The following PTX4 variants were observed in gnomAD, a reference collection of about 807,000 sequenced individuals.
The protein encoded by PTX4 is pentraxin 4, also known as pentraxin-4.
In PTX4, 23 loss-of-function variants were observed where a neutral mutation model predicts 19.1. The observed-to-expected ratio is 1.20, with a 90% CI of 0.87 to 1.70. The LOEUF (loss-of-function observed/expected upper bound fraction) is 1.70, where lower values mean the gene tolerates loss of function less well. PTX4 is among the 40% of genes most tolerant of loss of function. The pLI is 0.00. For synonymous variants in PTX4, 317 were observed against 279.6 expected, an observed-to-expected ratio of 1.13 and a Z score of -1.33; for missense variants, 678 against 610.5, an observed-to-expected ratio of 1.11 and a Z score of -1.17.
intron 1 of PTX4, chr16:1,488,361 C>T (rs1449261246): frequency 2.5e-6 from 4 of 1,613,848 alleles, no homozygotes; most frequent in South Asian, 1.1e-5. Context: ...GCCCGACAGG[C>T]CCACAGCACT....
chr16:1,488,746 G>A lies in PTX4; in HGVS notation c.141+23C>T, dbSNP rs891696894. On this transcript the variant is annotated intron_variant, in intron 1 of 2. Transcript: ENST00000447419. ...GCTGCCAATTTAAAAACCCGACTGCGCCATGTCAGGGGTATAACTTGCCTG... is the reference window on the plus strand; with the variant it reads ...GCTGCCAATTTAAAAACCCGACTGCACCATGTCAGGGGTATAACTTGCCTG... 16 of 670,006 alleles carry A rather than the reference G, an allele frequency of 2.4e-5. No individual in the cohort carries two copies. The African/African-American group carries it at 2.7e-4, about 11-fold the overall frequency. 41.5% of individuals were successfully genotyped at this position (670,006 alleles called of 1,614,324 possible). A position where few individuals can be genotyped will look rare whatever the true frequency, so the allele number is the denominator to read the frequency against.
intron 1 of PTX4, chr16:1,488,232 C>G (rs2039267834): frequency 6.7e-7 from 1 of 1,491,402 alleles, no homozygotes. Flanking sequence ...CCACCGCTCA[C>G]CCCATAACCA....
rs752806438 is a variant in PTX4 at position 1,487,815 on chromosome 16, C to T, written c.297G>A (p.Gly99=). 4 of 1,613,162 alleles carry T rather than the reference C, an allele frequency of 2.5e-6. No individual in the cohort carries two copies. The highest frequency in any genetic ancestry group is 4.5e-5 in the East Asian group (2 of 44,880). ...AVNRSQASVQ[G]ELAQLKAWVR... The stretch of plus-strand genomic sequence containing the variant: ...CCCAGGCCTTGAGCTGCGCCAGCTC[C>T]CCCTGCACCGAGGCCTGTGACCGGT... The change falls in exon 2 of 3, where the codon GGG becomes GGA. Residue 99 remains glycine, a synonymous_variant. Transcript: ENST00000447419.
rs755708029 is a variant in PTX4 at position 1,487,889 on chromosome 16, G to T, written c.223C>A (p.Arg75=). 2.1e-5 allele frequency: 34 copies of T among 1,612,676 alleles called. No individual in the cohort carries two copies. In the Admixed American group the frequency reaches 5.7e-4, roughly 27 times the overall value. ...NYNVSYNVDV[R]FRSLAEESQA... ...CTCTCTTCCGCCAGGCTCCGGAACCGGACGTCAACGTTGTAGGACACGTTG... is the reference window on the plus strand; with the variant it reads ...CTCTCTTCCGCCAGGCTCCGGAACCTGACGTCAACGTTGTAGGACACGTTG... The change falls in exon 2 of 3, where the codon CGG becomes AGG. Residue 75 remains arginine, a synonymous_variant. Transcript: ENST00000447419.
chr16:1,487,797 C>T lies in PTX4; in HGVS notation c.315G>A (p.Lys105=). The T allele has an allele frequency of 1.2e-6, 2 of 1,613,020 alleles. No individual in the cohort carries two copies. The highest frequency in any genetic ancestry group is 1.7e-6 in the Non-Finnish European group (2 of 1,179,844). ...GGCGCTGCAGCTTCCTCACCCAGGC[C>T]TTGAGCTGCGCCAGCTCCCCCTGCA... ...ASVQGELAQL[K]AWVRKLQRRG... is the part of the protein sequence containing the mutation. Residue 105 remains lysine, a synonymous_variant, in exon 2 of 3, where the codon AAG becomes AAA. Coordinates refer to ENST00000447419, the MANE Select transcript of PTX4 (RefSeq NM_001328608.2).
At chr16:1,486,691 G>T in intron 2 of PTX4, 112 bp from the exon 3 acceptor site, 1 of 1,141,466 alleles carries the variant, frequency 8.8e-7, no homozygotes, top group African/African-American at 1.6e-5. Context: ...ACCCTTCACG[G>T]AGCACTGACT....
intron 2 of PTX4, among the ~76,000 whole-genome samples, chr16:1,486,791 A>G (rs954907354): frequency 1.3e-5 from 2 of 152,124 alleles, no homozygotes; most frequent in Admixed American, 6.5e-5. Context: ...AAGACTGAAC[A>G]TGAGGGCCGT....
chr16:1,486,189 G>C lies in PTX4; in HGVS notation c.1187C>G (p.Pro396Arg), dbSNP rs1329549247. Residue 396 changes from proline (P) to arginine (R), a missense_variant, in exon 3 of 3, where the codon CCC becomes CGC. Physicochemically the swap from Pro to Arg is moderately radical, Grantham distance 103. Coordinates refer to ENST00000447419, the MANE Select transcript of PTX4 (RefSeq NM_001328608.2). ...GCCCAGCACGAGGGACCCTCCGGGG[G>C]GGATCTCATAGCCCTCCCTGAAGCG... ...GSRFREGYEI[P>R]PGGSLVLGQE... The C allele has an allele frequency of 7.4e-6, 12 of 1,613,694 alleles. No individual in the cohort carries two copies. In the South Asian group the frequency reaches 1.2e-4, roughly 16 times the overall value.
chr16:1,487,254 G>C lies in PTX4; in HGVS notation c.796+62C>G, dbSNP rs536429458. On this transcript the variant is annotated intron_variant, in intron 2 of 2. Coordinates refer to ENST00000447419, the MANE Select transcript of PTX4 (RefSeq NM_001328608.2). The stretch of plus-strand genomic sequence containing the variant: ...TCTTTTGAGAAGCCTTTTCCAGGGG[G>C]CCTGGTCTAAGGAGGAGCTGGAGGG... The C allele has an allele frequency of 1.8e-5, 25 of 1,402,550 alleles. No homozygotes were observed. In the South Asian group the frequency reaches 4.1e-4, roughly 23 times the overall value. The allele number at this position is 1,402,550 out of a possible 1,614,324, so 86.9% of individuals were successfully genotyped here.
chr16:1,487,033 C>A (rs964642969), intron 2 of PTX4, among the ~76,000 whole-genome samples: 1 of 152,208 alleles, frequency 6.6e-6, no homozygotes, highest in African/African-American at 2.4e-5. Flanking sequence ...CCCGCCCTTT[C>A]CAGCTTCCAG....
chr16:1,488,927 C>T lies in PTX4; in HGVS notation c.-18G>A. The stretch of plus-strand genomic sequence containing the variant: ...CAACCCATCCGGAGAGACGGCAAGG[C>T]CCCAGCAGTCTCCCTCCAGCCGCAG... On this transcript the variant is annotated 5_prime_UTR_variant, in exon 1 of 3. Transcript: ENST00000447419. The T allele has an allele frequency of 1.5e-6, 1 of 685,748 alleles. No homozygotes were observed. Among genetic ancestry groups the T allele is most frequent in the Non-Finnish European group, 2.7e-6 (1 of 372,978 alleles). The allele number at this position is 685,748 out of a possible 1,614,324, so 42.5% of individuals were successfully genotyped here.
At position 1,486,400 on chromosome 16, in the gene PTX4, C is replaced by T. The variant is rs1277619387; in HGVS notation, c.976G>A (p.Val326Met). ...YATEDNDNKL[V>M]LHGRDSLLPG... ...AGCAGGGAGTCTCGGCCGTGCAGCA[C>T]CAGCTTGTTGTCATTGTCCTCGGTG... The change falls in exon 3 of 3, where the codon GTG becomes ATG. Residue 326 changes from valine to methionine, a missense_variant. Coordinates refer to ENST00000447419, the MANE Select transcript of PTX4 (RefSeq NM_001328608.2). 3.1e-6 allele frequency: 5 copies of T among 1,613,882 alleles called. No homozygotes were observed. The highest frequency in any genetic ancestry group is 4.2e-6 in the Non-Finnish European group (5 of 1,179,978).
At chr16:1,488,545 C>T in intron 1 of PTX4, 1 of 1,350,650 alleles carries the variant, frequency 7.4e-7, no homozygotes, top group Non-Finnish European at 1.0e-6. Context: ...CCCCACCTGA[C>T]CCCCACATGT....
Position 1,487,448 on chromosome 16 carries a change from G to A in PTX4, c.664C>T (p.Pro222Ser), listed in dbSNP as rs547881468. 4.7e-5 allele frequency: 71 copies of A among 1,514,334 alleles called. No homozygotes were observed. In the Middle Eastern group the frequency reaches 5.5e-4, roughly 12 times the overall value. 93.8% of individuals were successfully genotyped at this position (1,514,334 alleles called of 1,614,324 possible). ...AGAGGGGCCGAGGAGTCCTGTGGGG[G>A]GCCCCTGTGCTCAGAGGCAGCTCGG... ...ELRAASEHRG[P>S]PQDSSAPLQG... Residue 222 changes from proline (P) to serine (S), a missense_variant, in exon 2 of 3, where the codon CCC becomes TCC. Pro to Ser is a moderately conservative substitution (Grantham distance 74, BLOSUM62 -1). Coordinates refer to ENST00000447419, the MANE Select transcript of PTX4 (RefSeq NM_001328608.2).
chr16:1,486,559 G>A lies in PTX4; in HGVS notation c.817C>T (p.Leu273Phe). ...CTGGTGGAGGCGTTTGGGAAAACGA[G>A]GGTGGGGCCCACGCCGCAAACTAGA... is the stretch of plus-strand genomic sequence containing the variant. The part of the protein sequence containing the change: ...PGEICGVGPT[L>F]VFPNASTRNV... Residue 273 changes from leucine to phenylalanine, a missense_variant, in exon 3 of 3, where the codon CTC becomes TTC. Leu to Phe is a conservative substitution (Grantham distance 22). Transcript: ENST00000447419. 1.3e-6 allele frequency: 2 copies of A among 1,555,446 alleles called. No homozygotes were observed. Among genetic ancestry groups the A allele is most frequent in the Non-Finnish European group, 1.7e-6 (2 of 1,152,784 alleles).
chr16:1,488,040 G>C, intron 1 of PTX4, 70 bp from the exon 2 acceptor site: 5 of 1,464,172 alleles, frequency 3.4e-6, no homozygotes, highest in Non-Finnish European at 4.6e-6. Flanking sequence ...GAAAGGCTTT[G>C]CCCTCTCAAG....
At chr16:1,486,729 T>A in intron 2 of PTX4, 150 bp from the exon 3 acceptor site, 1 of 772,312 alleles carries the variant, frequency 1.3e-6, no homozygotes, top group Non-Finnish European at 2.0e-6. Flanking sequence ...ATGGCTCCCC[T>A]GCAGCGTCTC....
Position 1,488,878 on chromosome 16 carries a change from A to G in PTX4, c.32T>C (p.Phe11Ser). ...ATATATAGGCACAAAAACAAGGAAG[A>G]AAGACAAGGTCTTCCTCCACGAGCA... MGCSWRKTLS[F>S]FLVFVPIYLH... The change falls in exon 1 of 3, where the codon TTC becomes TCC. Residue 11 changes from phenylalanine to serine, a missense_variant. Phe to Ser is a radical substitution (Grantham distance 155, BLOSUM62 -2). Coordinates refer to ENST00000447419, the MANE Select transcript of PTX4 (RefSeq NM_001328608.2). 4.3e-6 allele frequency: 3 copies of G among 701,652 alleles called. No homozygotes were observed. Among genetic ancestry groups the G allele is most frequent in the Non-Finnish European group, 7.8e-6 (3 of 383,888 alleles). The allele number at this position is 701,652 out of a possible 1,614,324, so 43.5% of individuals were successfully genotyped here.
chr16:1,488,391 C>A (rs747252825), intron 1 of PTX4: 9 of 1,613,954 alleles, frequency 5.6e-6, no homozygotes, highest in Non-Finnish European at 3.4e-6. Context: ...TCCGTGGACC[C>A]CGCGTGGGAG....
Sources: allele counts gnomAD v4.1 joint callset (sites outside exome capture counted in the v4.1 genomes callset), GRCh38; gene constraint gnomAD v4.1.1; transcripts MANE v1.5; gene names NCBI Gene and HGNC (gene_info 2026-07-23, HGNC 2026-07-21).